Variants in DNAH14 observed in about 807,000 individuals in gnomAD.
The protein encoded by DNAH14 is axonemal beta dynein heavy chain 14.
A neutral mutation model predicts 520.9 loss-of-function variants in DNAH14; 478 were observed. The ratio of observed to expected loss-of-function variants is 0.92; its 90% CI spans 0.85 to 0.99. The LOEUF is 0.99. DNAH14 is among the 50% of genes least tolerant of loss of function. The probability of loss-of-function intolerance (pLI) is 0.00; values close to 1 mark genes in which losing one functional copy is unlikely to be tolerated. For missense variants in DNAH14, 4,831 were observed against 5,234.5 expected (o/e 0.92, Z 2.38); for synonymous variants, 1,581 against 1,757.2 (o/e 0.90, Z 2.51).
At chr1:225,125,913 C>A (rs6673779) in intron 27 of DNAH14, among the ~76,000 whole-genome samples, 12,497 of 152,096 alleles carry the variant, frequency 0.082, 1,662 homozygotes, top group African/African-American at 0.28. Context: ...CACTTAGAGA[C>A]CATTGTAAGG....
intron 66 of DNAH14, among the ~76,000 whole-genome samples, chr1:225,334,965 C>CTCA (rs61448581): frequency 0.055 from 8,222 of 149,582 alleles, 735 homozygotes; most frequent in African/African-American, 0.19. Context: ...TCAAGCAATC[C>CTCA]TCAAGTTATA....
chr1:225,235,894 T>C (rs1352344512), intron 42 of DNAH14, among the ~76,000 whole-genome samples: 1 of 152,188 alleles, frequency 6.6e-6, no homozygotes, highest in Non-Finnish European at 1.5e-5. Context: ...ATTCCCCTTA[T>C]CATTTCTGAT....
At chr1:225,061,472 C>A (rs2449302) in intron 17 of DNAH14, among the ~76,000 whole-genome samples, 137,644 of 152,226 alleles carry the variant, frequency 0.9, 63,788 homozygotes, top group East Asian at 1. Context: ...TGGGTGAGGC[C>A]GTGCCTCACT....
At chr1:224,986,435 C>A (rs1047927706) in intron 8 of DNAH14, among the ~76,000 whole-genome samples, 2 of 151,682 alleles carry the variant, frequency 1.3e-5, no homozygotes, top group Non-Finnish European at 2.9e-5. Context: ...AAAGTTTATT[C>A]ATCATGACCA....
At chr1:225,012,655 A>G (rs1456373673) in intron 10 of DNAH14, among the ~76,000 whole-genome samples, 1 of 152,008 alleles carries the variant, frequency 6.6e-6, no homozygotes, top group Non-Finnish European at 1.5e-5. Flanking sequence ...GACTTTGTTC[A>G]TTCCTTTTCA....
At chr1:225,055,729 C>T (rs961866876) in intron 17 of DNAH14, among the ~76,000 whole-genome samples, 8 of 144,718 alleles carry the variant, frequency 5.5e-5, no homozygotes, top group Non-Finnish European at 1.1e-4. Context: ...TGTTCCCCTT[C>T]CTGTTTCCAT....
At position 225,308,320 on chromosome 1, in the gene DNAH14, T is replaced by G. The variant is rs1379941887; in HGVS notation, c.9150T>G (p.Asp3050Glu). The change falls in exon 60 of 86, where the codon GAT becomes GAG. Residue 3050 changes from aspartate (D) to glutamate (E), a missense_variant. Asp to Glu is a conservative substitution (Grantham distance 45). Coordinates refer to ENST00000682510, the MANE Select transcript of DNAH14 (RefSeq NM_001367479.1). ...CTCTAATGGAAAAACTACGGAAAGA[T>G]TCACAAGTAGTTGAGAAAGTTCAGA... ...TETLMEKLRK[D>E]SQVVEKVQML... 17 of 1,542,032 alleles carry G rather than the reference T, an allele frequency of 1.1e-5. No individual in the cohort carries two copies. The highest frequency in any genetic ancestry group is 4.1e-5 in the Admixed American group (2 of 48,690).
intron 10 of DNAH14, among the ~76,000 whole-genome samples, chr1:225,019,779 T>C (rs1021590205): frequency 2.6e-5 from 4 of 152,002 alleles, no homozygotes; most frequent in African/African-American, 9.7e-5. Context: ...AGAATAAAAT[T>C]AAGGCAGAAA....
At chr1:225,097,059 T>A in intron 21 of DNAH14, 59 bp from the exon 22 acceptor site, 1 of 1,390,632 alleles carries the variant, frequency 7.2e-7, no homozygotes, top group Non-Finnish European at 9.6e-7. Flanking sequence ...GTTATGTAAC[T>A]CTTAAAGAAT....
intron 23 of DNAH14, among the ~76,000 whole-genome samples, chr1:225,114,284 A>C (rs2076698820): frequency 6.6e-6 from 1 of 152,174 alleles, no homozygotes; most frequent in Admixed American, 6.5e-5. Flanking sequence ...ATGTCATACA[A>C]GATCTAGGGC....
intron 68 of DNAH14, among the ~76,000 whole-genome samples, chr1:225,339,217 AG>A (rs1161560381): frequency 6.6e-6 from 1 of 151,768 alleles, no homozygotes. Flanking sequence ...AGGCTGAGGC[AG>A]GAGAATCGCT....
chr1:225,377,385 A>G lies in DNAH14; in HGVS notation c.12665A>G (p.Glu4222Gly), dbSNP rs2150720182. 2 of 1,551,366 alleles carry G rather than the reference A, an allele frequency of 1.3e-6. No individual in the cohort carries two copies. The highest frequency in any genetic ancestry group is 1.7e-6 in the Non-Finnish European group (2 of 1,146,842). Residue 4222 changes from glutamate (E) to glycine (G), a missense_variant, in exon 79 of 86, where the codon GAA becomes GGA. Glu to Gly is a moderately conservative substitution (Grantham distance 98, BLOSUM62 -2). Coordinates refer to ENST00000682510, the MANE Select transcript of DNAH14 (RefSeq NM_001367479.1). ...GAGACCCAGGGCGAAAAGTTTATTG[A>G]AAATCTGATTGCCATGCAACCAAAA... Reference protein sequence around the residue: ...CWETQGEKFIENLIAMQPKTT... With the variant: ...CWETQGEKFIGNLIAMQPKTT...
chr1:224,994,189 T>C (rs2063240313), intron 8 of DNAH14, among the ~76,000 whole-genome samples: 1 of 152,034 alleles, frequency 6.6e-6, no homozygotes, highest in Admixed American at 6.6e-5. Flanking sequence ...ATTTACCTAT[T>C]AAGTCCATTT....
At chr1:225,028,898 A>C (rs2066329668) in intron 11 of DNAH14, among the ~76,000 whole-genome samples, 1 of 152,090 alleles carries the variant, frequency 6.6e-6, no homozygotes, top group Non-Finnish European at 1.5e-5. Context: ...GCAATTTCTT[A>C]TAAAGATAAA....
intron 8 of DNAH14, among the ~76,000 whole-genome samples, chr1:224,978,099 A>G (rs907981272): frequency 1.3e-5 from 2 of 152,222 alleles, no homozygotes; most frequent in African/African-American, 4.8e-5. Flanking sequence ...GAAAAACAGT[A>G]CGGAGGTTTC....
At position 225,104,343 on chromosome 1, in the gene DNAH14, T is replaced by A. The variant is rs569477112; in HGVS notation, c.3867+3459T>A. Among the ~76,000 whole-genome samples the A allele has an allele frequency of 7.9e-4, 120 of 152,288 alleles. 1 individual carries two copies. The highest frequency in any genetic ancestry group is 2.7e-3 in the African/African-American group (112 of 41,560). On this transcript the variant is annotated intron_variant, in intron 23 of 85. Coordinates refer to ENST00000682510, the MANE Select transcript of DNAH14 (RefSeq NM_001367479.1). ...TTCATCAGGGATATTGGTCTAAAAT[T>A]CTCTTTTTTTGTTGTGTCTCTGTCA... is the stretch of plus-strand genomic sequence containing the variant.
chr1:225,238,682 G>C (rs2091770777), intron 42 of DNAH14, among the ~76,000 whole-genome samples: 1 of 152,112 alleles, frequency 6.6e-6, no homozygotes, highest in African/African-American at 2.4e-5. Context: ...TTCTTTCCCA[G>C]ACCACCTGGA....
chr1:224,988,095 T>A (rs753490007), intron 8 of DNAH14, among the ~76,000 whole-genome samples: 1 of 151,962 alleles, frequency 6.6e-6, no homozygotes, highest in Non-Finnish European at 1.5e-5. Context: ...GTTGTTTCCC[T>A]CTCTGTGTCC....
At position 225,043,798 on chromosome 1, in the gene DNAH14, TAGACATTTTAAAAATTACGAGTA is replaced by T. The variant is rs1443835336; in HGVS notation, c.1814+11_1814+33del. ...AAATACATGTATTATGAGTAAGTAT[TAGACATTTTAAAAATTACGAGTA>T]ATTGTATTTTATATGGTAGTTATTA... On this transcript the variant is annotated intron_variant, in intron 14 of 85. Transcript: ENST00000682510. 1 of 1,461,358 alleles carries T rather than the reference TAGACATTTTAAAAATTACGAGTA, an allele frequency of 6.8e-7. No homozygotes were observed. The allele number at this position is 1,461,358 out of a possible 1,614,324, so 90.5% of individuals were successfully genotyped here.
Sources: gnomAD v4.1 joint callset for allele counts (sites outside exome capture counted in the v4.1 genomes callset) on GRCh38, gnomAD v4.1.1 for gene constraint, MANE v1.5 for transcripts, NCBI Gene and HGNC (gene_info 2026-07-23, HGNC 2026-07-21) for gene names.